SEC31A: variants seen among roughly 807,000 people sequenced by gnomAD.
The protein encoded by SEC31A is SEC31 homolog A, COPII component, also known as protein transport protein Sec31A.
SEC31A carries 70 observed loss-of-function variants against 151.0 expected under a neutral mutation model. The observed-to-expected ratio is 0.46, with a 90% CI of 0.38 to 0.57. The LOEUF is 0.57. Ranked by LOEUF, SEC31A falls within the 20% of genes least tolerant of loss-of-function variation. SEC31A has a pLI of 0.00. For missense variants in SEC31A, 1,330 were observed against 1,471.2 expected (o/e 0.90, Z 1.57); for synonymous variants, 475 against 505.9 (o/e 0.94, Z 0.82).
Position 82,862,529 on chromosome 4 carries a change from C to CGGTAA in SEC31A, c.1548+4_1548+5insTTACC. Reference sequence around the variant, plus strand: ...GAAGGTAGCTATTTTTAAAGGCCTTCTTACCACATTGGCTCCATCCACTTT... The same window carrying CGGTAA: ...GAAGGTAGCTATTTTTAAAGGCCTTCGGTAATTACCACATTGGCTCCATCCACTTT... On this transcript the variant is annotated splice_donor_region_variant and intron_variant, in intron 13 of 26. Transcript: ENST00000395310. 1.9e-6 allele frequency: 3 copies of CGGTAA among 1,612,786 alleles called. No individual in the cohort carries two copies. The highest frequency in any genetic ancestry group is 2.5e-6 in the Non-Finnish European group (3 of 1,178,942).
intron 1 of SEC31A, among the ~76,000 whole-genome samples, chr4:82,889,511 C>T (rs1350609698): frequency 7.1e-6 from 1 of 140,216 alleles, no homozygotes; most frequent in African/African-American, 2.7e-5. Context: ...TGCACCACTG[C>T]ACTCCAATCT....
upstream of SEC31A, chr4:82,891,292 G>A (rs1017096732): frequency 7.7e-6 from 8 of 1,042,066 alleles, no homozygotes; most frequent in Non-Finnish European, 9.7e-6. Context: ...GCCCGCCACG[G>A]CACTTCCGGG....
chr4:82,819,825 G>A (rs751076285), intron 26 of SEC31A, among the ~76,000 whole-genome samples: 1 of 151,750 alleles, frequency 6.6e-6, no homozygotes, highest in Non-Finnish European at 1.5e-5. Context: ...ACAGTGGTGC[G>A]ATCTCGACTC....
intron 22 of SEC31A, among the ~76,000 whole-genome samples, chr4:82,838,054 T>C (rs1319025564): frequency 1.3e-5 from 2 of 152,304 alleles, no homozygotes; most frequent in African/African-American, 4.8e-5. Context: ...AATGAAAATT[T>C]AGAAAGACAT....
At chr4:82,821,286 C>A in intron 25 of SEC31A, 178 bp from the exon 26 acceptor site, 4 of 552,374 alleles carry the variant, frequency 7.2e-6, no homozygotes, top group South Asian at 2.1e-5. Flanking sequence ...TGGTGGCTCA[C>A]GCCTGTAATC....
rs138120291 is a variant in SEC31A, at chr4:82,837,158, CATATAT to C, written c.2968+4976_2968+4981del. Among the ~76,000 whole-genome samples the C allele has an allele frequency of 3.3e-3, 140 of 42,666 alleles. 2 individuals are homozygous for C. The highest frequency in any genetic ancestry group is 8.8e-3 in the African/African-American group (99 of 11,188). The allele number at this position is 42,666 out of a possible 152,430, so 28.0% of individuals were successfully genotyped here. On this transcript the variant is annotated intron_variant, in intron 22 of 26. Coordinates refer to ENST00000395310, the MANE Select transcript of SEC31A (RefSeq NM_001077207.4). The stretch of plus-strand genomic sequence containing the variant: ...CAAACATGGTTAAAATAAATTTTAT[CATATAT>C]ATATATATATATATATATATATATA...
intron 24 of SEC31A, 142 bp downstream of exon 24, chr4:82,827,227 A>G: frequency 1.1e-6 from 1 of 902,410 alleles, no homozygotes; most frequent in Non-Finnish European, 1.7e-6. Context: ...TACATGATCG[A>G]TCTTAAAAAA....
chr4:82,878,610 C>T (rs1738552381), intron 4 of SEC31A, 120 bp downstream of exon 4: 1 of 751,224 alleles, frequency 1.3e-6, no homozygotes, highest in South Asian at 1.8e-5. Flanking sequence ...AAACACTCGT[C>T]AACCTGTATA....
At chr4:82,861,562 C>T in intron 14 of SEC31A, 69 bp downstream of exon 14, 1 of 998,330 alleles carries the variant, frequency 1.0e-6, no homozygotes, top group Non-Finnish European at 1.5e-6. Context: ...AGAAAATTTT[C>T]CTTATTTTAA....
At chr4:82,843,132 T>A (rs1014736793) in intron 21 of SEC31A, among the ~76,000 whole-genome samples, 1 of 151,542 alleles carries the variant, frequency 6.6e-6, no homozygotes, top group Non-Finnish European at 1.5e-5. Context: ...GTTGTGGGTT[T>A]TTTTTTTTTT....
intron 1 of SEC31A, among the ~76,000 whole-genome samples, chr4:82,888,902 A>G (rs1414289828): frequency 1.3e-5 from 2 of 152,240 alleles, no homozygotes; most frequent in Non-Finnish European, 2.9e-5. Flanking sequence ...AATGCTATAT[A>G]CAGAGCTGAT....
chr4:82,869,959 G>A (rs1454245258), intron 8 of SEC31A, among the ~76,000 whole-genome samples: 1 of 152,152 alleles, frequency 6.6e-6, no homozygotes, highest in Non-Finnish European at 1.5e-5. Flanking sequence ...AGGATCCTCA[G>A]GAACGGTAAA....
chr4:82,893,262 A>T (rs1351436399), upstream of SEC31A: 2 of 152,028 alleles, frequency 1.3e-5, no homozygotes, highest in Non-Finnish European at 1.5e-5. Context: ...AGACACAGGG[A>T]CTCATTTTGT....
chr4:82,886,058 T>C lies in SEC31A; in HGVS notation c.-4-4118A>G, dbSNP rs182238046. 3.5e-3 allele frequency among the ~76,000 whole-genome samples: 171 copies of C among 48,568 alleles called. 1 individual carries two copies. The highest frequency in any genetic ancestry group is 5.9e-3 in the African/African-American group (166 of 28,006). 31.9% of individuals were successfully genotyped at this position (48,568 alleles called of 152,430 possible). ...AGGGGGCAAGGGGCAGAGCCAAGAT[T>C]GGAACTTGCAAGTTTAGCTCCAGAG... On this transcript the variant is annotated intron_variant, in intron 1 of 26. Coordinates refer to ENST00000395310, the MANE Select transcript of SEC31A (RefSeq NM_001077207.4).
At position 82,862,530 on chromosome 4, in the gene SEC31A, T is replaced by C. The variant is rs1578283865; in HGVS notation, c.1548+4A>G. On this transcript the variant is annotated splice_donor_region_variant and intron_variant, in intron 13 of 26. Transcript: ENST00000395310. ...AAGGTAGCTATTTTTAAAGGCCTTC[T>C]TACCACATTGGCTCCATCCACTTTG... is the stretch of plus-strand genomic sequence containing the variant. 1 of 1,612,928 alleles carries C rather than the reference T, an allele frequency of 6.2e-7. No individual in the cohort carries two copies. Among genetic ancestry groups the C allele is most frequent in the Admixed American group, 1.7e-5 (1 of 59,988 alleles).
rs1459169528 is a variant in SEC31A, at chr4:82,818,610, ATAAAC to A, written c.*459_*463del. The A allele has an allele frequency of 2.0e-5, 3 of 152,444 alleles. No individual in the cohort carries two copies. Among genetic ancestry groups the A allele is most frequent in the South Asian group, 2.1e-4 (1 of 4,834 alleles). 9.4% of individuals were successfully genotyped at this position (152,444 alleles called of 1,614,324 possible). ...ACTCAGGAATCCTAAGACACAAAAA[ATAAAC>A]TAAATTTTAAGCAGCTGTTTCAAAA... On this transcript the variant is annotated 3_prime_UTR_variant, in exon 27 of 27. Transcript: ENST00000395310.
At chr4:82,897,140 C>T (rs1720099381) in intron 3 of SEC31A, among the ~76,000 whole-genome samples, 1 of 152,184 alleles carries the variant, frequency 6.6e-6, no homozygotes, top group African/African-American at 2.4e-5. Flanking sequence ...AGTCCTAGCA[C>T]TGCTTCTGAT....
At chr4:82,827,084 C>T (rs192010929) in intron 24 of SEC31A, among the ~76,000 whole-genome samples, 9 of 152,270 alleles carry the variant, frequency 5.9e-5, no homozygotes, top group Admixed American at 2.6e-4. Flanking sequence ...AGCAACCTCA[C>T]GCAGAGATGA....
At chr4:82,824,197 CT>C (rs1724034833) in intron 25 of SEC31A, among the ~76,000 whole-genome samples, 1 of 152,036 alleles carries the variant, frequency 6.6e-6, no homozygotes, top group Non-Finnish European at 1.5e-5. Flanking sequence ...ATAAAGAATT[CT>C]TTTATTTTAT....
Sources: allele counts gnomAD v4.1 joint callset (sites outside exome capture counted in the v4.1 genomes callset), GRCh38; gene constraint gnomAD v4.1.1; transcripts MANE v1.5; gene names NCBI Gene and HGNC (gene_info 2026-07-23, HGNC 2026-07-21).